KDM3A: variants seen among roughly 807,000 people sequenced by gnomAD.
KDM3A encodes lysine demethylase 3A.
KDM3A carries 60 observed loss-of-function variants against 158.0 expected under a neutral mutation model. The ratio of observed to expected loss-of-function variants is 0.38; its 90% CI spans 0.31 to 0.47. The LOEUF is 0.47. KDM3A is among the 20% of genes least tolerant of loss of function. KDM3A has a pLI of 0.99. For synonymous variants in KDM3A, 608 were observed against 549.3 expected, an observed-to-expected ratio of 1.11 and a Z score of -1.49; for missense variants, 1,319 against 1,574.3, an observed-to-expected ratio of 0.84 and a Z score of 2.74.
At chr2:86,456,601 G>A (rs186376859) in intron 6 of KDM3A, 35 bp downstream of exon 6, 17 of 1,574,584 alleles carry the variant, frequency 1.1e-5, no homozygotes, top group Non-Finnish European at 1.5e-5. Flanking sequence ...AAGATAACTC[G>A]ACAAAGCATG....
chr2:86,481,967 C>G lies in KDM3A; in HGVS notation c.2550C>G (p.Ile850Met). 1 of 1,613,076 alleles carries G rather than the reference C, an allele frequency of 6.2e-7. No individual in the cohort carries two copies. The highest frequency in any genetic ancestry group is 8.5e-7 in the Non-Finnish European group (1 of 1,179,714). The change falls in exon 17 of 26, where the codon ATC becomes ATG. Residue 850 changes from isoleucine to methionine, a missense_variant. By Grantham distance (10) the Ile-to-Met change is conservative (BLOSUM62 1). Transcript: ENST00000312912. ...QPTMPILKNE[I>M]KCLPPLPPLS... Reference sequence around the variant, plus strand: ...CAATGCCAATTTTAAAGAATGAAATCAAATGCCTTCCACCCCTCCCACCTT... The same window carrying G: ...CAATGCCAATTTTAAAGAATGAAATGAAATGCCTTCCACCCCTCCCACCTT...
chr2:86,462,703 A>G (rs759032486), intron 8 of KDM3A, among the ~76,000 whole-genome samples: 29 of 152,342 alleles, frequency 1.9e-4, no homozygotes, highest in Middle Eastern at 3.4e-3. Flanking sequence ...ATATATCTGT[A>G]TATGCTAGCT....
At chr2:86,488,704 G>C (rs1001921265) in intron 21 of KDM3A, 8 of 152,680 alleles carry the variant, frequency 5.2e-5, no homozygotes, top group African/African-American at 1.9e-4. Context: ...CAGAGTCCTG[G>C]TGTTACAATG....
Position 86,491,266 on chromosome 2 carries a change from T to C in KDM3A, c.3876T>C (p.Asp1292=). The C allele has an allele frequency of 1.2e-6, 2 of 1,613,794 alleles. No homozygotes were observed. Among genetic ancestry groups the C allele is most frequent in the Non-Finnish European group, 1.7e-6 (2 of 1,179,748 alleles). ...YLSQTHTNHE[D]KLQVKNVIYH... ...CACAGACTCATACCAATCACGAAGA[T>C]AAATTACAGGTAAAAATAGCACCAA... Residue 1292 remains aspartate (D), a synonymous_variant, in exon 25 of 26, where the codon GAT becomes GAC. Transcript: ENST00000312912.
At chr2:86,488,283 A>C (rs1674285284) in intron 21 of KDM3A, 1 of 152,186 alleles carries the variant, frequency 6.6e-6, no homozygotes, top group African/African-American at 2.4e-5. Context: ...AAAACTTGAG[A>C]GTCTGGTAGT....
intron 17 of KDM3A, 112 bp from the exon 18 acceptor site, chr2:86,482,346 G>A: frequency 6.6e-7 from 1 of 1,519,144 alleles, no homozygotes; most frequent in Non-Finnish European, 8.8e-7. Flanking sequence ...TTTTGCCTGG[G>A]GGTCCTGGCT....
intron 2 of KDM3A, among the ~76,000 whole-genome samples, chr2:86,444,480 C>T (rs563490078): frequency 6.6e-6 from 1 of 151,970 alleles, no homozygotes. Context: ...TTAAAAAAAA[C>T]CAGGATTTTA....
At chr2:86,459,128 G>A (rs1672823373) in intron 8 of KDM3A, among the ~76,000 whole-genome samples, 1 of 152,110 alleles carries the variant, frequency 6.6e-6, no homozygotes, top group African/African-American at 2.4e-5. Context: ...AAGTGACATG[G>A]TCAGGCAATT....
upstream of KDM3A, among the ~76,000 whole-genome samples, chr2:86,438,191 A>G (rs900270825): frequency 6.6e-6 from 1 of 152,162 alleles, no homozygotes; most frequent in African/African-American, 2.4e-5. Context: ...ATGAAAATGA[A>G]GTATATAAAA....
rs773144310 is a variant in KDM3A, at chr2:86,456,412, TAAGA to T, written c.557-29_557-26del. On this transcript the variant is annotated intron_variant, in intron 5 of 25. Transcript: ENST00000312912. ...TATTGGGAGATAATGCAAATTGCTC[TAAGA>T]TTTTTTTTTTTTTTTTTTTTTTAAG... The T allele has an allele frequency of 2.3e-6, 3 of 1,301,314 alleles. No homozygotes were observed. In the South Asian group the frequency reaches 4.4e-5, roughly 19 times the overall value. The allele number at this position is 1,301,314 out of a possible 1,614,324, so 80.6% of individuals were successfully genotyped here.
At chr2:86,448,397 T>C (rs1334438872) in intron 2 of KDM3A, among the ~76,000 whole-genome samples, 1 of 152,216 alleles carries the variant, frequency 6.6e-6, no homozygotes, top group Non-Finnish European at 1.5e-5. Flanking sequence ...TGCTAACAAG[T>C]ATTTGAGTAC....
Position 86,467,013 on chromosome 2 carries a change from AAG to A in KDM3A, c.1519+132_1519+133del, listed in dbSNP as rs1342563429. The A allele has an allele frequency of 2.0e-5, 15 of 763,118 alleles. No homozygotes were observed. The Admixed American group carries it at 4.3e-4, about 22-fold the overall frequency. 47.3% of individuals were successfully genotyped at this position (763,118 alleles called of 1,614,324 possible). On this transcript the variant is annotated intron_variant, in intron 10 of 25. Coordinates refer to ENST00000312912, the MANE Select transcript of KDM3A (RefSeq NM_018433.6). ...TAGTTTATACAGTCAGAAAAGTTGA[AAG>A]AAGGTATAATTCCCAAATCTCAGAA...
At chr2:86,467,890 T>TGG (rs894627034) in intron 10 of KDM3A, among the ~76,000 whole-genome samples, 5 of 151,942 alleles carry the variant, frequency 3.3e-5, no homozygotes, top group African/African-American at 1.2e-4. Flanking sequence ...CCAGGCATGG[T>TGG]GGGGCACACC....
chr2:86,461,769 A>G (rs760249839), intron 8 of KDM3A, among the ~76,000 whole-genome samples: 2 of 152,228 alleles, frequency 1.3e-5, no homozygotes, highest in Admixed American at 6.5e-5. Flanking sequence ...CCAACCAGCC[A>G]CTGAAAACGA....
intron 2 of KDM3A, 69 bp from the exon 3 acceptor site, chr2:86,449,738 G>A: frequency 6.8e-7 from 1 of 1,479,508 alleles, no homozygotes; most frequent in Non-Finnish European, 9.1e-7. Context: ...TAGTTCAGCT[G>A]GGGCATTTGT....
intron 8 of KDM3A, among the ~76,000 whole-genome samples, chr2:86,462,224 C>T (rs1672960927): frequency 6.6e-6 from 1 of 150,960 alleles, no homozygotes; most frequent in African/African-American, 2.4e-5. Flanking sequence ...ACTTGAGCGG[C>T]TTGATTTTAT....
rs1465949782 is a variant in KDM3A, at chr2:86,466,445, C to T, written c.1081C>T (p.Pro361Ser). The change falls in exon 10 of 26, where the codon CCA (proline) becomes TCA (serine). Residue 361 changes from proline (P) to serine (S), a missense_variant. Coordinates refer to ENST00000312912, the MANE Select transcript of KDM3A (RefSeq NM_018433.6). Reference protein sequence around the residue: ...NTKSEALRTKPDVCKAGLLSK... With the variant: ...NTKSEALRTKSDVCKAGLLSK... ...AAAGTCTGAAGCTCTGAGAACAAAA[C>T]CAGATGTCTGCAAAGCAGGGTTGCT... The T allele has an allele frequency of 3.7e-6, 6 of 1,613,698 alleles. No individual in the cohort carries two copies. In the Admixed American group the frequency reaches 5.0e-5, roughly 13 times the overall value.
At position 86,466,409 on chromosome 2, in the gene KDM3A, T is replaced by C. The variant is rs747055924; in HGVS notation, c.1045T>C (p.Cys349Arg). 2.0e-5 allele frequency: 33 copies of C among 1,612,194 alleles called. No homozygotes were observed. In the South Asian group the frequency reaches 3.3e-4, roughly 16 times the overall value. ...AAGTTTACCAGAGGAAATTTCTTCCTGTCTAAATACAAAGTCTGAAGCTCT... is the reference window on the plus strand; with the variant it reads ...AAGTTTACCAGAGGAAATTTCTTCCCGTCTAAATACAAAGTCTGAAGCTCT... ...KQSLPEEISS[C>R]LNTKSEALRT... The change falls in exon 10 of 26, where the codon TGT becomes CGT. Residue 349 changes from cysteine (C) to arginine (R), a missense_variant. This residue lies in a region of KDM3A where 652 missense variants were observed against 627.2 expected (regional missense o/e 1.04). Coordinates refer to ENST00000312912, the MANE Select transcript of KDM3A (RefSeq NM_018433.6).
At chr2:86,484,484 G>A (rs562355284) in intron 19 of KDM3A, among the ~76,000 whole-genome samples, 11 of 152,202 alleles carry the variant, frequency 7.2e-5, no homozygotes, top group Non-Finnish European at 1.0e-4. Context: ...GATGGTTGAC[G>A]TGCATTGCTG....
Sources: gnomAD v4.1 joint callset for allele counts (sites outside exome capture counted in the v4.1 genomes callset) on GRCh38, gnomAD v4.1.1 for gene constraint, gnomAD v4.1.1 regional missense constraint, MANE v1.5 for transcripts, NCBI Gene and HGNC (gene_info 2026-07-23, HGNC 2026-07-21) for gene names.